Variants in NUP98 observed in about 807,000 individuals in gnomAD.
NUP98 encodes the protein nucleoporin 98 and 96 precursor.
A neutral mutation model predicts 191.9 loss-of-function variants in NUP98; 26 were observed. That is an observed-to-expected ratio of 0.14 (90% CI 0.10 to 0.19). The LOEUF is 0.19. Among genes scored for constraint, NUP98 ranks in the 10% least tolerant of loss-of-function variants. The probability of loss-of-function intolerance (pLI) is 1.00; values close to 1 mark genes in which losing one functional copy is unlikely to be tolerated. For missense variants in NUP98, 1,941 were observed against 2,178.8 expected, an observed-to-expected ratio of 0.89 and a Z score of 2.17; for synonymous variants, 808 against 778.4, an observed-to-expected ratio of 1.04 and a Z score of -0.63.
chr11:3,683,085 A>T, intron 30 of NUP98, 115 bp downstream of exon 30: 1 of 1,460,562 alleles, frequency 6.8e-7, no homozygotes, highest in African/African-American at 1.4e-5. Flanking sequence ...GTATGATTTG[A>T]TTCAAGATGG....
At chr11:3,783,594 G>C (rs1386639800) in intron 1 of NUP98, among the ~76,000 whole-genome samples, 1 of 152,180 alleles carries the variant, frequency 6.6e-6, no homozygotes, top group African/African-American at 2.4e-5. Flanking sequence ...AGCTATTTGG[G>C]AGGCTGAGGC....
intron 14 of NUP98, among the ~76,000 whole-genome samples, chr11:3,728,654 G>A (rs997155424): frequency 6.6e-6 from 1 of 152,094 alleles, no homozygotes; most frequent in African/African-American, 2.4e-5. Flanking sequence ...CAGGAGAGTG[G>A]AGTGAACCCA....
In NUP98 at chr11:3,690,243, G is replaced by A. The variant is rs1340972133; in HGVS notation, c.4454+1104C>T. Among the ~76,000 whole-genome samples the A allele has an allele frequency of 3.0e-4, 45 of 150,740 alleles. 2 individuals are homozygous for A. Among genetic ancestry groups the A allele is most frequent in the Admixed American group, 2.8e-3 (42 of 15,092 alleles). ...GCTGGGATTACAGGTGTGAGCCACC[G>A]CGCCTGGCTGTCTGCATTTTTTTTT... On this transcript the variant is annotated intron_variant, in intron 28 of 32. Coordinates refer to ENST00000324932, the MANE Select transcript of NUP98 (RefSeq NM_016320.5).
chr11:3,762,824 C>G, intron 9 of NUP98, 78 bp downstream of exon 9: 1 of 1,492,160 alleles, frequency 6.7e-7, no homozygotes, highest in Non-Finnish European at 9.1e-7. Context: ...ACCTGCAAAA[C>G]AGTCAAATCC....
intron 4 of NUP98, among the ~76,000 whole-genome samples, chr11:3,777,450 A>G (rs2081774265): frequency 6.6e-6 from 1 of 151,674 alleles, no homozygotes. Flanking sequence ...GTGAAACCCC[A>G]TCTCTACTAA....
At chr11:3,760,424 G>A (rs769398979) in intron 10 of NUP98, 115 bp downstream of exon 10, 29 of 1,429,522 alleles carry the variant, frequency 2.0e-5, no homozygotes, top group Middle Eastern at 1.9e-4. Context: ...ATACGAATCA[G>A]GAGAATAACG....
chr11:3,778,198 CAAAAAAAAAAA>C (rs71302029), intron 4 of NUP98, among the ~76,000 whole-genome samples: 1 of 60,542 alleles, frequency 1.7e-5, no homozygotes. Context: ...GACTCCATCT[CAAAAAAAAAAA>C]AAAAAAAAAA....
chr11:3,755,298 GAA>G (rs34400646), intron 10 of NUP98, among the ~76,000 whole-genome samples: 8 of 136,740 alleles, frequency 5.9e-5, no homozygotes, highest in Non-Finnish European at 6.3e-5. Flanking sequence ...CTACTACCAC[GAA>G]AAAAAAAAAA....
chr11:3,683,228 G>C lies in NUP98; in HGVS notation c.4890C>G (p.His1630Gln). Residue 1630 changes from histidine (H) to glutamine (Q), a missense_variant, in exon 30 of 33, where the codon CAC (histidine) becomes CAG (glutamine). Around this residue, in one of 6 missense-constraint regions of NUP98, gnomAD observed 1,030 missense variants for 1,115.8 expected, o/e 0.92. Coordinates refer to ENST00000324932, the MANE Select transcript of NUP98 (RefSeq NM_016320.5). ...LFKAEHWNRC[H>Q]KLIIRHLASD... is the part of the protein sequence containing the mutation. ...AAGCTAAGTGTCGGATGATGAGCTTGTGGCAGCGGTTCCAGTGCTCAGCCT... is the reference window on the plus strand; with the variant it reads ...AAGCTAAGTGTCGGATGATGAGCTTCTGGCAGCGGTTCCAGTGCTCAGCCT... 1 of 1,614,204 alleles carries C rather than the reference G, an allele frequency of 6.2e-7. No homozygotes were observed. The highest frequency in any genetic ancestry group is 8.5e-7 in the Non-Finnish European group (1 of 1,180,040).
At chr11:3,681,054 G>A (rs1433024675) in intron 30 of NUP98, among the ~76,000 whole-genome samples, 2 of 151,704 alleles carry the variant, frequency 1.3e-5, no homozygotes, top group Non-Finnish European at 2.9e-5. Flanking sequence ...CCCACCATCC[G>A]CCCCAGACAG....
At chr11:3,758,036 G>C (rs1358493000) in intron 10 of NUP98, among the ~76,000 whole-genome samples, 3 of 151,000 alleles carry the variant, frequency 2.0e-5, no homozygotes, top group Non-Finnish European at 4.4e-5. Context: ...AGAAAAAACA[G>C]GCCAGGCGTG....
chr11:3,700,506 C>A, intron 24 of NUP98, 104 bp downstream of exon 24: 1 of 690,792 alleles, frequency 1.4e-6, no homozygotes, highest in Non-Finnish European at 2.4e-6. Context: ...CAAGCACAGG[C>A]ATTTACCTAC....
chr11:3,731,711 C>G (rs1179354408), intron 13 of NUP98, 133 bp from the exon 14 acceptor site: 4 of 542,930 alleles, frequency 7.4e-6, no homozygotes, highest in Non-Finnish European at 1.2e-5. Flanking sequence ...AGTCTCTGTT[C>G]CCATAAAACA....
Position 3,748,363 on chromosome 11 carries a change from A to C in NUP98, c.1268-3714T>G, listed in dbSNP as rs276893. ...GGAGGATCACGAGGTCAGGAGTTCC[A>C]GACTAGCCTGGCCAAAATGGTGAAA... On this transcript the variant is annotated intron_variant, in intron 11 of 32. Coordinates refer to ENST00000324932, the MANE Select transcript of NUP98 (RefSeq NM_016320.5). Among the ~76,000 whole-genome samples, 1,401 of 152,312 alleles carry C rather than the reference A, an allele frequency of 9.2e-3. 14 individuals are homozygous for C. Among genetic ancestry groups the C allele is most frequent in the African/African-American group, 0.032 (1,331 of 41,552 alleles).
intron 13 of NUP98, among the ~76,000 whole-genome samples, chr11:3,734,040 CTT>C (rs146511321): frequency 1.4e-5 from 2 of 146,106 alleles, no homozygotes; most frequent in South Asian, 2.1e-4. Flanking sequence ...TCCCATTTCT[CTT>C]TTTTTTTTTT....
chr11:3,779,925 C>G (rs780605088), intron 2 of NUP98, among the ~76,000 whole-genome samples: 2 of 151,470 alleles, frequency 1.3e-5, no homozygotes, highest in Non-Finnish European at 2.9e-5. Context: ...GTCAGGAGTT[C>G]AAGACCAGCC....
At chr11:3,740,894 G>C (rs886242394) in intron 12 of NUP98, among the ~76,000 whole-genome samples, 1 of 151,508 alleles carries the variant, frequency 6.6e-6, no homozygotes, top group African/African-American at 2.4e-5. Flanking sequence ...CGTCGGCTCG[G>C]TGCAACTTCC....
chr11:3,709,126 G>A (rs2078955125), intron 20 of NUP98, among the ~76,000 whole-genome samples: 1 of 152,196 alleles, frequency 6.6e-6, no homozygotes, highest in South Asian at 2.1e-4. Flanking sequence ...TCAACAGAGT[G>A]AATGACAAGT....
Position 3,675,439 on chromosome 11 carries a change from G to A in NUP98, c.*720C>T, listed in dbSNP as rs1451356712. On this transcript the variant is annotated 3_prime_UTR_variant, in exon 33 of 33. Transcript: ENST00000324932. ...AGTCTCAGCAAGACTGAAAACCAGG[G>A]ACCAAACCAAACTCTGGGAGCTTCC... 1 of 227,344 alleles carries A rather than the reference G, an allele frequency of 4.4e-6. No homozygotes were observed. The highest frequency in any genetic ancestry group is 8.7e-6 in the Non-Finnish European group (1 of 114,468). 14.1% of individuals were successfully genotyped at this position (227,344 alleles called of 1,614,324 possible).
Sources: allele counts gnomAD v4.1 joint callset (sites outside exome capture counted in the v4.1 genomes callset), GRCh38; gene constraint gnomAD v4.1.1; regional missense constraint gnomAD v4.1.1; transcripts MANE v1.5; gene names NCBI Gene and HGNC (gene_info 2026-07-23, HGNC 2026-07-21).